Variants in USP40 observed in about 807,000 individuals in gnomAD.
USP40 encodes ubiquitin carboxyl-terminal hydrolase 40.
USP40 carries 143 observed loss-of-function variants against 166.2 expected under a neutral mutation model. That is an observed-to-expected ratio of 0.86 (90% CI 0.75 to 0.99). The LOEUF (loss-of-function observed/expected upper bound fraction) is 0.99. Among genes scored for constraint, USP40 ranks in the 50% least tolerant of loss-of-function variants. USP40 has a pLI of 0.00. For synonymous variants in USP40, 498 were observed against 524.0 expected (o/e 0.95, Z 0.68); for missense variants, 1,444 against 1,479.7 (o/e 0.98, Z 0.40).
chr2:233,491,309 TTG>T, intron 25 of USP40, 48 bp from the exon 26 acceptor site: 1 of 1,357,894 alleles, frequency 7.4e-7, no homozygotes, highest in Non-Finnish European at 1.0e-6. Flanking sequence ...GAAACTTATT[TTG>T]TGTTTCTGAA....
At chr2:233,494,956 T>TATTTATATATA in intron 24 of USP40, among the ~76,000 whole-genome samples, 1 of 35,504 alleles carries the variant, frequency 2.8e-5, no homozygotes, top group Non-Finnish European at 5.1e-5. Flanking sequence ...ATATATATAT[T>TATTTATATATA]TATATATATA....
At chr2:233,489,217 A>G in intron 27 of USP40, 148 bp downstream of exon 27, 1 of 730,052 alleles carries the variant, frequency 1.4e-6, no homozygotes, top group Non-Finnish European at 2.4e-6. Flanking sequence ...TTTATGATGA[A>G]AAGTGTCACC....
chr2:233,557,427 T>C (rs1002389733), intron 4 of USP40, among the ~76,000 whole-genome samples: 2 of 152,108 alleles, frequency 1.3e-5, no homozygotes, highest in African/African-American at 4.8e-5. Flanking sequence ...TTATCAACAA[T>C]AGAAAAGAAC....
At chr2:233,519,408 T>C (rs1295782703) in intron 18 of USP40, 1 of 467,556 alleles carries the variant, frequency 2.1e-6, no homozygotes, top group African/African-American at 2.0e-5. Flanking sequence ...AGAATAGGTC[T>C]GAGGAGGAGA....
chr2:233,524,667 G>GT, intron 14 of USP40, 105 bp from the exon 15 acceptor site: 1 of 805,962 alleles, frequency 1.2e-6, no homozygotes, highest in Non-Finnish European at 1.8e-6. Context: ...TTTTCACTAA[G>GT]GAAAATTTAA....
intron 14 of USP40, 30 bp downstream of exon 14, chr2:233,525,448 T>G: frequency 5.8e-6 from 9 of 1,555,222 alleles, no homozygotes; most frequent in Non-Finnish European, 7.1e-6. Context: ...ATATATAGAG[T>G]GAGTTGCTAT....
chr2:233,517,485 C>T lies in USP40; in HGVS notation c.2383+2129G>A, dbSNP rs1335471147. ...CTACAAGCTCTGCCTCCCGGGTTCA[C>T]GCCATTCTCCAGCCTCAGCCTCCCC... On this transcript the variant is annotated intron_variant, in intron 18 of 31. Transcript: ENST00000678225. 2.5e-4 allele frequency among the ~76,000 whole-genome samples: 38 copies of T among 149,714 alleles called. 1 individual carries two copies. Among genetic ancestry groups the T allele is most frequent in the Non-Finnish European group, 5.6e-4 (38 of 67,574 alleles).
chr2:233,554,030 C>T (rs908173612), intron 6 of USP40, among the ~76,000 whole-genome samples: 2 of 152,126 alleles, frequency 1.3e-5, no homozygotes, highest in African/African-American at 4.8e-5. Context: ...TGAAGACAGC[C>T]ATCTACTTTC....
At position 233,527,714 on chromosome 2, in the gene USP40, A is replaced by C. The variant is rs887692416; in HGVS notation, c.1554-136T>G. On this transcript the variant is annotated intron_variant, in intron 12 of 31. Coordinates refer to ENST00000678225, the MANE Select transcript of USP40 (RefSeq NM_001365479.2). Reference sequence around the variant, plus strand: ...TAACAATTTTTCTTCTATGTGCCACAATTAGTCACTTTAATTTTTCAGTCA... The same window carrying C: ...TAACAATTTTTCTTCTATGTGCCACCATTAGTCACTTTAATTTTTCAGTCA... 8.2e-6 allele frequency: 6 copies of C among 733,290 alleles called. No homozygotes were observed. In the African/African-American group the frequency reaches 8.9e-5, roughly 11 times the overall value. 45.4% of individuals were successfully genotyped at this position (733,290 alleles called of 1,614,324 possible).
rs764478376 is a variant in USP40 at position 233,477,272 on chromosome 2, CAAAG to C, written c.*116_*119del. Reference sequence around the variant, plus strand: ...GCCTCAGAGGAGCCGTCCCTGTGCTCAAAGGAAGCAGAGGATTTGGGATTGGAGG... The same window carrying C: ...GCCTCAGAGGAGCCGTCCCTGTGCTCGAAGCAGAGGATTTGGGATTGGAGG... On this transcript the variant is annotated 3_prime_UTR_variant, in exon 32 of 32. Coordinates refer to ENST00000678225, the MANE Select transcript of USP40 (RefSeq NM_001365479.2). 77 of 927,090 alleles carry C rather than the reference CAAAG, an allele frequency of 8.3e-5. No individual in the cohort carries two copies. The highest frequency in any genetic ancestry group is 1.3e-4 in the Non-Finnish European group (75 of 594,310). 57.4% of individuals were successfully genotyped at this position (927,090 alleles called of 1,614,324 possible). A position where few individuals can be genotyped will look rare whatever the true frequency, so the allele number is the denominator to read the frequency against.
At chr2:233,560,847 G>T in intron 3 of USP40, 1 of 551,148 alleles carries the variant, frequency 1.8e-6, no homozygotes, top group Non-Finnish European at 3.3e-6. Context: ...CAAAAAAAGT[G>T]CTTTAAATAG....
Position 233,493,131 on chromosome 2 carries a change from T to A in USP40, c.2917+294A>T. On this transcript the variant is annotated intron_variant, in intron 25 of 31. Transcript: ENST00000678225. This position sits in a 1 kb window ranked among gnomAD's most constrained non-coding sequence, Gnocchi z 4.7. ...GGTACGTGGTGATAAATGGGGCCCC[T>A]GTTGCCCTGAGGATCTTGAGAGATG... 1 of 460,294 alleles carries A rather than the reference T, an allele frequency of 2.2e-6. No individual in the cohort carries two copies. Among genetic ancestry groups the A allele is most frequent in the Non-Finnish European group, 3.8e-6 (1 of 259,916 alleles). 28.5% of individuals were successfully genotyped at this position (460,294 alleles called of 1,614,324 possible). A position where few individuals can be genotyped will look rare whatever the true frequency, so the allele number is the denominator to read the frequency against.
intron 2 of USP40, among the ~76,000 whole-genome samples, chr2:233,564,740 G>T (rs1178770507): frequency 6.6e-6 from 1 of 152,056 alleles, no homozygotes. Context: ...TCCCAGCAGG[G>T]TCTGGGCCAG....
At position 233,565,452 on chromosome 2, in the gene USP40, T is replaced by C. The variant is rs2072059050; in HGVS notation, c.103A>G (p.Arg35Gly). The change falls in exon 2 of 32, where the codon AGA becomes GGA. Residue 35 changes from arginine to glycine, a missense_variant. Coordinates refer to ENST00000678225, the MANE Select transcript of USP40 (RefSeq NM_001365479.2). ...ATTCCGCTTAAATTGGTGAATTCTC[T>C]AGGAGCAGGTGGCTCCAAAGCTTTA... Reference protein sequence around the residue: ...KTKALEPPAPREFTNLSGIRN... With the variant: ...KTKALEPPAPGEFTNLSGIRN... 3 of 1,537,154 alleles carry C rather than the reference T, an allele frequency of 2.0e-6. No homozygotes were observed. The highest frequency in any genetic ancestry group is 2.0e-5 in the Admixed American group (1 of 50,980).
chr2:233,505,831 C>T (rs2066380055), intron 21 of USP40, among the ~76,000 whole-genome samples: 1 of 152,038 alleles, frequency 6.6e-6, no homozygotes, highest in African/African-American at 2.4e-5. Flanking sequence ...CAGCATTATC[C>T]TGATTCCAAG....
At chr2:233,503,571 A>G (rs956794651) in intron 21 of USP40, among the ~76,000 whole-genome samples, 2 of 152,220 alleles carry the variant, frequency 1.3e-5, no homozygotes, top group African/African-American at 4.8e-5. Context: ...CCAGTAGACT[A>G]TCAGTGGATT....
In USP40 at chr2:233,493,640, C is replaced by T. The variant is rs2065490280; in HGVS notation, c.2791-89G>A. On this transcript the variant is annotated intron_variant, in intron 24 of 31. Transcript: ENST00000678225. The surrounding 1 kb of genome is among the most constrained non-coding windows in gnomAD (Gnocchi z 4.7). Reference sequence around the variant, plus strand: ...TCCATAGAAAGAAACACCTTGATGACCTAAGATGTTCTTGAACTTATCATT... The same window carrying T: ...TCCATAGAAAGAAACACCTTGATGATCTAAGATGTTCTTGAACTTATCATT... 7.3e-7 allele frequency: 1 copy of T among 1,367,684 alleles called. No individual in the cohort carries two copies. The allele number at this position is 1,367,684 out of a possible 1,614,324, so 84.7% of individuals were successfully genotyped here. A position where few individuals can be genotyped will look rare whatever the true frequency, so the allele number is the denominator to read the frequency against.
At chr2:233,502,028 C>T (rs763324501) in intron 21 of USP40, among the ~76,000 whole-genome samples, 17 of 152,116 alleles carry the variant, frequency 1.1e-4, no homozygotes, top group Non-Finnish European at 1.6e-4. Context: ...TCAGGTACAT[C>T]GAATGTTGGT....
intron 1 of USP40, 73 bp from the exon 2 acceptor site, chr2:233,565,646 G>A: frequency 7.8e-7 from 1 of 1,274,548 alleles, no homozygotes; most frequent in Non-Finnish European, 1.1e-6. Flanking sequence ...CCTTACACTT[G>A]GGAGTCGATT....
Sources: allele counts gnomAD v4.1 joint callset (sites outside exome capture counted in the v4.1 genomes callset), GRCh38; gene constraint gnomAD v4.1.1; non-coding constraint Gnocchi (gnomAD v3.1); transcripts MANE v1.5; gene names NCBI Gene and HGNC (gene_info 2026-07-23, HGNC 2026-07-21).